Variants in RASGEF1B observed in about 807,000 individuals in gnomAD.
RASGEF1B encodes RasGEF domain family member 1B.
RASGEF1B carries 30 observed loss-of-function variants against 65.7 expected under a neutral mutation model. The observed-to-expected ratio is 0.46, with a 90% confidence interval of 0.34 to 0.62. The LOEUF is 0.62. Among genes scored for constraint, RASGEF1B ranks in the 20% least tolerant of loss-of-function variants. The probability of loss-of-function intolerance (pLI) is 0.01; values close to 1 mark genes in which losing one functional copy is unlikely to be tolerated. For missense variants in RASGEF1B, 495 were observed against 580.1 expected (o/e 0.85, Z 1.51); for synonymous variants, 175 against 194.8 (o/e 0.90, Z 0.85).
At chr4:81,465,276 A>C (rs910842101) in intron 1 of RASGEF1B, among the ~76,000 whole-genome samples, 1 of 152,188 alleles carries the variant, frequency 6.6e-6, no homozygotes, top group African/African-American at 2.4e-5. Flanking sequence ...GCAGGGAGAT[A>C]ATGGAAAACA....
chr4:81,471,560 C>T (rs1723027732), intron 1 of RASGEF1B, among the ~76,000 whole-genome samples: 1 of 152,184 alleles, frequency 6.6e-6, no homozygotes, highest in Non-Finnish European at 1.5e-5. Context: ...TGTAACTCGG[C>T]TCTTGGCGCC....
At chr4:81,447,393 T>C (rs1305884216) in intron 6 of RASGEF1B, 111 bp downstream of exon 6, 1 of 821,718 alleles carries the variant, frequency 1.2e-6, no homozygotes, top group African/African-American at 1.7e-5. Flanking sequence ...AAATTCTGAT[T>C]TTAAAATCTA....
intron 1 of RASGEF1B, among the ~76,000 whole-genome samples, chr4:81,462,716 T>C (rs964511956): frequency 1.3e-5 from 2 of 152,248 alleles, no homozygotes; most frequent in Non-Finnish European, 2.9e-5. Flanking sequence ...CTATGGGATA[T>C]TGTGTGCTGG....
intron 6 of RASGEF1B, 60 bp from the exon 7 acceptor site, chr4:81,445,898 C>A: frequency 1.6e-6 from 2 of 1,249,652 alleles, no homozygotes; most frequent in Non-Finnish European, 2.3e-6. Flanking sequence ...AGTGGACTCT[C>A]ATTTTGTGAA....
Position 81,435,555 on chromosome 4 carries a change from A to G in RASGEF1B, c.1105-821T>C, listed in dbSNP as rs549184985. 1.6e-3 allele frequency among the ~76,000 whole-genome samples: 182 copies of G among 111,298 alleles called. 1 individual carries two copies. Among genetic ancestry groups the G allele is most frequent in the Non-Finnish European group, 2.8e-3 (166 of 59,622 alleles). 73.0% of individuals were successfully genotyped at this position (111,298 alleles called of 152,430 possible). On this transcript the variant is annotated intron_variant, in intron 10 of 13. Coordinates refer to ENST00000264400, the MANE Select transcript of RASGEF1B (RefSeq NM_152545.3). ...GCGATCTCTGCTCACTGCAAGCTCC[A>G]CCTCCCCAGTTCATGCCATTCTCCT...
chr4:81,449,982 G>A lies in RASGEF1B; in HGVS notation c.439-1698C>T, dbSNP rs112821993. On this transcript the variant is annotated intron_variant, in intron 4 of 13. Transcript: ENST00000264400. ...GACCCCTATTTTTCTCTATAGTCAT[G>A]GATCACCCTAAAATCACTAATGAAA... is the stretch of plus-strand genomic sequence containing the variant. Among the ~76,000 whole-genome samples, 293 of 152,138 alleles carry A rather than the reference G, an allele frequency of 1.9e-3. 1 individual carries two copies. Among genetic ancestry groups the A allele is most frequent in the Non-Finnish European group, 3.5e-3 (240 of 68,002 alleles).
intron 12 of RASGEF1B, among the ~76,000 whole-genome samples, chr4:81,433,116 C>G (rs1431807191): frequency 6.6e-6 from 1 of 150,884 alleles, no homozygotes; most frequent in Non-Finnish European, 1.5e-5. Flanking sequence ...GTACTCCCAG[C>G]TATCTGGAAG....
intron 4 of RASGEF1B, chr4:81,453,042 A>C (rs1270874352): frequency 6.6e-6 from 1 of 152,190 alleles, no homozygotes; most frequent in Non-Finnish European, 1.5e-5. Flanking sequence ...GAAGCAACAA[A>C]TCCCAACCCA....
intron 10 of RASGEF1B, among the ~76,000 whole-genome samples, 186 bp from the exon 11 acceptor site, chr4:81,434,920 A>C (rs749138692): frequency 2.0e-5 from 3 of 152,200 alleles, no homozygotes; most frequent in Non-Finnish European, 4.4e-5. Context: ...TTATACTACA[A>C]CTGCTATAAC....
At chr4:81,430,628 C>T (rs1721398322) in intron 13 of RASGEF1B, among the ~76,000 whole-genome samples, 2 of 152,230 alleles carry the variant, frequency 1.3e-5, no homozygotes, top group Non-Finnish European at 2.9e-5. Flanking sequence ...AGCCACACCA[C>T]ACCCCCATCG....
chr4:81,450,475 C>T (rs1252573291), intron 4 of RASGEF1B, among the ~76,000 whole-genome samples: 1 of 152,182 alleles, frequency 6.6e-6, no homozygotes, highest in East Asian at 1.9e-4. Context: ...AAGCGATTCT[C>T]GTGCCTCAGC....
In RASGEF1B at chr4:81,426,422, TGG is replaced by T. The variant is rs1274758055; in HGVS notation, c.*1344_*1345del. On this transcript the variant is annotated 3_prime_UTR_variant, in exon 14 of 14. Coordinates refer to ENST00000264400, the MANE Select transcript of RASGEF1B (RefSeq NM_152545.3). ...GGCCGCAGAGTGTAAAATATATTGA[TGG>T]CTGTAAAGGGACAACTTGGGGATAT... The T allele has an allele frequency of 6.6e-6, 1 of 152,188 alleles. No individual in the cohort carries two copies. The highest frequency in any genetic ancestry group is 1.5e-5 in the Non-Finnish European group (1 of 68,036). 9.4% of individuals were successfully genotyped at this position (152,188 alleles called of 1,614,324 possible). A position where few individuals can be genotyped will look rare whatever the true frequency, so the allele number is the denominator to read the frequency against.
chr4:81,470,867 C>T (rs1319422639), intron 1 of RASGEF1B, among the ~76,000 whole-genome samples: 1 of 152,140 alleles, frequency 6.6e-6, no homozygotes. Flanking sequence ...AGACAGCAAG[C>T]AGTATTGAAA....
chr4:81,457,380 T>C, intron 3 of RASGEF1B, 119 bp downstream of exon 3: 3 of 890,554 alleles, frequency 3.4e-6, no homozygotes, highest in Admixed American at 2.3e-5. Context: ...TGTATAGCCA[T>C]GATGCCATTT....
At chr4:81,448,644 T>C (rs906949894) in intron 4 of RASGEF1B, among the ~76,000 whole-genome samples, 6 of 152,220 alleles carry the variant, frequency 3.9e-5, no homozygotes, top group African/African-American at 1.4e-4. Context: ...AGTTTACTTC[T>C]GGTGGGTTGA....
Position 81,432,299 on chromosome 4 carries a change from C to T in RASGEF1B, c.1397G>A (p.Arg466Lys), listed in dbSNP as rs752298476. Residue 466 changes from arginine to lysine, a missense_variant and splice_region_variant, in exon 13 of 14, where the codon AGG (arginine) becomes AAG (lysine). Transcript: ENST00000264400. ...CAGCAATGAGAAGAATGAGACCCACCTTAAAGACTTCCATCTGTCTTTCTC... is the reference window on the plus strand; with the variant it reads ...CAGCAATGAGAAGAATGAGACCCACTTTAAAGACTTCCATCTGTCTTTCTC... ...HIEKDRWKSL[R>K]SSLLGRV 1 of 1,598,816 alleles carries T rather than the reference C, an allele frequency of 6.3e-7. No homozygotes were observed.
At chr4:81,454,540 CA>C (rs1722377618) in intron 4 of RASGEF1B, 1 of 152,212 alleles carries the variant, frequency 6.6e-6, no homozygotes, top group South Asian at 2.1e-4. Context: ...ACTGAGCCAG[CA>C]CTGACCCTGC....
At chr4:81,429,015 T>C (rs1365582590) in intron 13 of RASGEF1B, among the ~76,000 whole-genome samples, 2 of 152,238 alleles carry the variant, frequency 1.3e-5, no homozygotes, top group South Asian at 2.1e-4. Context: ...TACAGGAGCA[T>C]GGGCTGACGA....
At chr4:81,462,807 G>C (rs1225304106) in intron 1 of RASGEF1B, among the ~76,000 whole-genome samples, 1 of 152,094 alleles carries the variant, frequency 6.6e-6, no homozygotes, top group Non-Finnish European at 1.5e-5. Flanking sequence ...TGATGCAGAG[G>C]GCTCTGAGAA....
Sources: allele counts gnomAD v4.1 joint callset (sites outside exome capture counted in the v4.1 genomes callset), GRCh38; gene constraint gnomAD v4.1.1; transcripts MANE v1.5; gene names NCBI Gene and HGNC (gene_info 2026-07-23, HGNC 2026-07-21).